TSC2: variants seen among roughly 807,000 people sequenced by gnomAD.
The protein encoded by TSC2 is TSC complex subunit 2.
Under a neutral mutation model 202.2 loss-of-function variants are expected in TSC2, and 29 were observed. The ratio of observed to expected loss-of-function variants is 0.14; its 90% CI spans 0.11 to 0.20. TSC2 has a LOEUF of 0.20. TSC2 is among the 10% of genes least tolerant of loss of function. The pLI is 1.00. For missense variants in TSC2, 2,429 were observed against 2,420.0 expected, an observed-to-expected ratio of 1.00 and a Z score of -0.08; for synonymous variants, 1,349 against 1,044.0, an observed-to-expected ratio of 1.29 and a Z score of -5.63.
In TSC2 at chr16:2,083,223, C is replaced by T. The variant is rs1400406724; in HGVS notation, c.3884-472C>T. On this transcript the variant is annotated intron_variant, in intron 32 of 41. Transcript: ENST00000219476. Reference sequence around the variant, plus strand: ...ACCTCCCACCCTCTCTCCTTAGCGTCCCCAGCTGTGGGTCTGGCTTGGAGT... The same window carrying T: ...ACCTCCCACCCTCTCTCCTTAGCGTTCCCAGCTGTGGGTCTGGCTTGGAGT... 6 of 459,912 alleles carry T rather than the reference C, an allele frequency of 1.3e-5. No homozygotes were observed. In the East Asian group the frequency reaches 4.1e-4, roughly 32 times the overall value. 28.5% of individuals were successfully genotyped at this position (459,912 alleles called of 1,614,324 possible). A position where few individuals can be genotyped will look rare whatever the true frequency, so the allele number is the denominator to read the frequency against.
chr16:2,078,987 C>T (rs537473729), intron 26 of TSC2, 45 bp from the exon 27 acceptor site: 80 of 1,610,028 alleles, frequency 5.0e-5, no homozygotes, highest in East Asian at 4.9e-4. Context: ...TGGCTCGGCC[C>T]GCCCTACCTG....
chr16:2,063,105 C>A (rs568197625), intron 14 of TSC2, 52 bp downstream of exon 14: 4 of 1,543,192 alleles, frequency 2.6e-6, no homozygotes, highest in Non-Finnish European at 2.6e-6. Context: ...TCTCCGTGGG[C>A]GGGCTGTCTC....
intron 30 of TSC2, chr16:2,080,670 G>A: frequency 2.4e-6 from 1 of 412,090 alleles, no homozygotes; most frequent in Non-Finnish European, 4.6e-6. Context: ...ATTTCTAGTA[G>A]AGATGGGGTT....
rs773409154 is a variant in TSC2 at position 2,076,052 on chromosome 16, C to A, written c.2640-16C>A. 6.2e-7 allele frequency: 1 copy of A among 1,613,894 alleles called. No individual in the cohort carries two copies. Among genetic ancestry groups the A allele is most frequent in the Non-Finnish European group, 8.5e-7 (1 of 1,180,034 alleles). ...CCTGCTGCCAGGATGGAGTGCCAGC[C>A]CCCTTCTCATCTCAGGTTTAATCAG... On this transcript the variant is annotated splice_polypyrimidine_tract_variant and intron_variant, in intron 23 of 41. Transcript: ENST00000219476.
At chr16:2,067,404 C>T (rs937315244) in intron 16 of TSC2, among the ~76,000 whole-genome samples, 1 of 151,688 alleles carries the variant, frequency 6.6e-6, no homozygotes, top group African/African-American at 2.4e-5. Flanking sequence ...TCAAGCAGTT[C>T]TCCCACCATA....
At chr16:2,076,403 C>T (rs2089375378) in intron 24 of TSC2, 88 bp from the exon 25 acceptor site, 3 of 1,593,346 alleles carry the variant, frequency 1.9e-6, no homozygotes. Flanking sequence ...TGCAGCTTGT[C>T]CCTGGCCAGG....
chr16:2,050,548 C>CT (rs1483643810), intron 3 of TSC2, 62 bp downstream of exon 3: 2 of 1,413,364 alleles, frequency 1.4e-6, no homozygotes, highest in Non-Finnish European at 2.0e-6. Flanking sequence ...CCTGAGTTTG[C>CT]TTTTTTTAGG....
chr16:2,056,813 G>A (rs1259013328), intron 8 of TSC2, 44 bp downstream of exon 8: 1 of 1,601,728 alleles, frequency 6.2e-7, no homozygotes, highest in African/African-American at 1.3e-5. Flanking sequence ...GAGAGCACAT[G>A]GATGGGACAA....
rs1555498201 is a variant in TSC2, at chr16:2,055,491, C to G, written c.571C>G (p.Leu191Val). 2.5e-6 allele frequency: 4 copies of G among 1,614,150 alleles called. No individual in the cohort carries two copies. The highest frequency in any genetic ancestry group is 3.4e-6 in the Non-Finnish European group (4 of 1,180,024). Residue 191 changes from leucine to valine, a missense_variant, in exon 6 of 42, where the codon CTC becomes GTC. By Grantham distance (32) the Leu-to-Val change is conservative. Coordinates refer to ENST00000219476, the MANE Select transcript of TSC2 (RefSeq NM_000548.5). ...VNLVKFNSCY[L>V]DEYIARMVQM... The stretch of plus-strand genomic sequence containing the variant: ...CTTGGTCAAATTCAATAGCTGTTAC[C>G]TCGACGAGTACATCGCAAGGATGGT...
intron 26 of TSC2, chr16:2,078,804 T>C (rs1184174361): frequency 1.7e-6 from 1 of 602,662 alleles, no homozygotes. Context: ...CTCCTGAGTC[T>C]GCTCCGACCA....
chr16:2,073,072 G>C, intron 21 of TSC2, 89 bp downstream of exon 21: 1 of 1,587,848 alleles, frequency 6.3e-7, no homozygotes, highest in Non-Finnish European at 8.6e-7. Context: ...TCTCATAAAC[G>C]AGTTTCTGCC....
intron 12 of TSC2, 131 bp from the exon 13 acceptor site, chr16:2,062,366 T>C: frequency 1.1e-6 from 1 of 871,128 alleles, no homozygotes; most frequent in South Asian, 1.5e-5. Context: ...TGCCTTTGTG[T>C]CTGGGCTGTG....
At chr16:2,082,026 G>A (rs1444015944) in intron 31 of TSC2, 6 of 663,756 alleles carry the variant, frequency 9.0e-6, no homozygotes, top group Non-Finnish European at 1.6e-5. Context: ...TAGGGGCCCT[G>A]TGGAGCCTCT....
chr16:2,081,286 G>A (rs776050043), intron 30 of TSC2: 3 of 439,770 alleles, frequency 6.8e-6, no homozygotes, highest in Non-Finnish European at 1.3e-5. Flanking sequence ...GCCTGGGTGT[G>A]CCGTGGCTGA....
At position 2,079,803 on chromosome 16, in the gene TSC2, G is replaced by C. The variant is rs960550141; in HGVS notation, c.3397+134G>C. ...CAGGCCCGGCCCACGTCCTGACTCT[G>C]GGGTGAGCCTTCCACAGCTCACCCC... On this transcript the variant is annotated intron_variant, in intron 29 of 41. Transcript: ENST00000219476. The surrounding 1 kb of genome is among the most constrained non-coding windows in gnomAD (Gnocchi z 4.6). 1 of 868,532 alleles carries C rather than the reference G, an allele frequency of 1.2e-6. No homozygotes were observed. The highest frequency in any genetic ancestry group is 1.7e-6 in the Non-Finnish European group (1 of 578,416). 53.8% of individuals were successfully genotyped at this position (868,532 alleles called of 1,614,324 possible). A position where few individuals can be genotyped will look rare whatever the true frequency, so the allele number is the denominator to read the frequency against.
At position 2,054,400 on chromosome 16, in the gene TSC2, A is replaced by G. The variant is rs1403910231; in HGVS notation, c.441A>G (p.Thr147=). 6.2e-7 allele frequency: 1 copy of G among 1,614,220 alleles called. No homozygotes were observed. The highest frequency in any genetic ancestry group is 1.3e-5 in the African/African-American group (1 of 75,050). ...HERLEVFKAL[T]DNGRHITYLE... is the part of the protein sequence containing the mutation. ...GGCTGGAGGTTTTCAAGGCCCTCAC[A>G]GACAATGGGAGACACATCACCTACT... Residue 147 remains threonine (T), a synonymous_variant, in exon 5 of 42, where the codon ACA becomes ACG. Coordinates refer to ENST00000219476, the MANE Select transcript of TSC2 (RefSeq NM_000548.5).
intron 11 of TSC2, 67 bp downstream of exon 11, chr16:2,060,880 A>G: frequency 3.8e-6 from 6 of 1,590,030 alleles, no homozygotes; most frequent in Non-Finnish European, 5.1e-6. Context: ...CCCACTCAGA[A>G]GATGGTACCT....
Position 2,079,574 on chromosome 16 carries a change from A to G in TSC2, c.3302A>G (p.His1101Arg). The change falls in exon 29 of 42, where the codon CAT becomes CGT. Residue 1101 changes from histidine to arginine, a missense_variant. His to Arg is a conservative substitution (Grantham distance 29). Coordinates refer to ENST00000219476, the MANE Select transcript of TSC2 (RefSeq NM_000548.5). The surrounding 1 kb of genome is among the most constrained non-coding windows in gnomAD (Gnocchi z 4.6). ...GPESSSSPGV[H>R]VRQTKEAPAK... ...CTTCTCAGCTCCAGCCCCGGGGTGC[A>G]TGTGAGACAGACCAAGGAGGCGCCG... 6.2e-7 allele frequency: 1 copy of G among 1,611,298 alleles called. No individual in the cohort carries two copies. Among genetic ancestry groups the G allele is most frequent in the East Asian group, 2.2e-5 (1 of 44,794 alleles).
chr16:2,083,378 C>T (rs904158485), intron 32 of TSC2: 168 of 506,104 alleles, frequency 3.3e-4, no homozygotes, highest in Non-Finnish European at 4.7e-4. Flanking sequence ...AGAGCTGAGG[C>T]CCGTCGGGCG....
Sources: gnomAD v4.1 joint callset for allele counts (sites outside exome capture counted in the v4.1 genomes callset) on GRCh38, gnomAD v4.1.1 for gene constraint, Gnocchi (gnomAD v3.1) non-coding constraint, MANE v1.5 for transcripts, NCBI Gene and HGNC (gene_info 2026-07-23, HGNC 2026-07-21) for gene names.